ZNF710: variants seen among roughly 807,000 people sequenced by gnomAD.
ZNF710 encodes the protein zinc finger protein 710.
Under a neutral mutation model 50.6 loss-of-function variants are expected in ZNF710, and 13 were observed. That is an observed-to-expected ratio of 0.26 (90% CI 0.17 to 0.41). The LOEUF is 0.41. ZNF710 is among the 10% of genes least tolerant of loss of function. ZNF710 has a pLI of 1.00. For missense variants in ZNF710, 721 were observed against 936.6 expected (o/e 0.77, Z 3.01); for synonymous variants, 383 against 397.0 (o/e 0.96, Z 0.42).
intron 1 of ZNF710, among the ~76,000 whole-genome samples, chr15:90,046,064 G>T (rs960638917): frequency 6.6e-6 from 1 of 152,164 alleles, no homozygotes. Flanking sequence ...GGGGCCCCAG[G>T]AAAAGGCATG....
At chr15:90,046,553 A>G (rs969011130) in intron 1 of ZNF710, among the ~76,000 whole-genome samples, 3 of 152,144 alleles carry the variant, frequency 2.0e-5, no homozygotes, top group Non-Finnish European at 4.4e-5. Flanking sequence ...CTAGTGACCA[A>G]GCCAGACACC....
chr15:90,065,800 G>A lies in ZNF710; in HGVS notation c.-28-1310G>A, dbSNP rs1374872876. 5.3e-5 allele frequency among the ~76,000 whole-genome samples: 8 copies of A among 152,100 alleles called. No homozygotes were observed. In the East Asian group the frequency reaches 1.2e-3, roughly 22 times the overall value. Reference sequence around the variant, plus strand: ...CTCATGTCTATAATCCTAGCATTTCGGGGGGCTGAGGCAGAAGGATCACTT... The same window carrying A: ...CTCATGTCTATAATCCTAGCATTTCAGGGGGCTGAGGCAGAAGGATCACTT... On this transcript the variant is annotated intron_variant, in intron 1 of 4. Coordinates refer to ENST00000268154, the MANE Select transcript of ZNF710 (RefSeq NM_198526.4).
At chr15:90,058,721 A>ATATATATATGTATGTATG (rs1567236953) in intron 1 of ZNF710, among the ~76,000 whole-genome samples, 1 of 144,576 alleles carries the variant, frequency 6.9e-6, no homozygotes, top group African/African-American at 2.9e-5. Flanking sequence ...ATATATATAC[A>ATATATATATGTATGTATG]CACATATACA....
At position 90,034,674 on chromosome 15, in the gene ZNF710, G is replaced by C. The variant is rs1168323135; in HGVS notation, c.-28-32436G>C. 6.6e-6 allele frequency among the ~76,000 whole-genome samples: 1 copy of C among 152,154 alleles called. No individual in the cohort carries two copies. Among genetic ancestry groups the C allele is most frequent in the Non-Finnish European group, 1.5e-5 (1 of 68,014 alleles). ...CTCACCCCTTCTGAGAGGCCCGCCT[G>C]CTCTCCTGCTACCCTAGAGCCCAGG... On this transcript the variant is annotated intron_variant, in intron 1 of 4. Transcript: ENST00000268154. The surrounding 1 kb of genome is among the most constrained non-coding windows in gnomAD (Gnocchi z 4.0).
intron 1 of ZNF710, among the ~76,000 whole-genome samples, chr15:90,051,238 CAA>C (rs61250352): frequency 2.4e-4 from 19 of 79,020 alleles, no homozygotes; most frequent in Non-Finnish European, 1.9e-4. Flanking sequence ...GACTCCGTCT[CAA>C]AAAAAAAAAA....
At position 90,021,009 on chromosome 15, in the gene ZNF710, A is replaced by ACCCC. The variant is rs532595178; in HGVS notation, c.-29+19403_-29+19406dup. 4.7e-3 allele frequency among the ~76,000 whole-genome samples: 425 copies of ACCCC among 91,060 alleles called. 8 individuals carry two copies. The highest frequency in any genetic ancestry group is 0.015 in the African/African-American group (391 of 25,916). 59.7% of individuals were successfully genotyped at this position (91,060 alleles called of 152,430 possible). A position where few individuals can be genotyped will look rare whatever the true frequency, so the allele number is the denominator to read the frequency against. ...GGAGTCCTGTGAGAGAGGGTGTGGC[A>ACCCC]CCCCCCCCCCCTTAGCAGCCTGGGG... On this transcript the variant is annotated intron_variant, in intron 1 of 4. Coordinates refer to ENST00000268154, the MANE Select transcript of ZNF710 (RefSeq NM_198526.4).
At chr15:90,073,807 G>A (rs1485838516) in intron 3 of ZNF710, among the ~76,000 whole-genome samples, 1 of 151,992 alleles carries the variant, frequency 6.6e-6, no homozygotes, top group Non-Finnish European at 1.5e-5. Context: ...TAGCCAATGT[G>A]GTGAAACCCC....
chr15:90,026,257 C>CAAAA (rs1567225025), intron 1 of ZNF710, among the ~76,000 whole-genome samples: 1 of 50,202 alleles, frequency 2.0e-5, no homozygotes, highest in African/African-American at 1.5e-4. Flanking sequence ...AACAAAACAA[C>CAAAA]AACAACAACA....
chr15:90,079,906 C>T lies in ZNF710; in HGVS notation c.*77C>T. On this transcript the variant is annotated 3_prime_UTR_variant, in exon 5 of 5. Coordinates refer to ENST00000268154, the MANE Select transcript of ZNF710 (RefSeq NM_198526.4). Reference sequence around the variant, plus strand: ...GACCCATGGGCTGCAGGCTGCACCTCCTGCAGCCGAGAAACAAGCTACTGC... The same window carrying T: ...GACCCATGGGCTGCAGGCTGCACCTTCTGCAGCCGAGAAACAAGCTACTGC... The T allele has an allele frequency of 7.2e-7, 1 of 1,379,684 alleles. No homozygotes were observed. Among genetic ancestry groups the T allele is most frequent in the East Asian group, 2.6e-5 (1 of 38,980 alleles). The allele number at this position is 1,379,684 out of a possible 1,614,324, so 85.5% of individuals were successfully genotyped here. A position where few individuals can be genotyped will look rare whatever the true frequency, so the allele number is the denominator to read the frequency against.
At chr15:90,002,389 TG>T (rs1842097433) in intron 1 of ZNF710, 1 of 2,348 alleles carries the variant, frequency 4.3e-4, no homozygotes, top group Non-Finnish European at 9.2e-4. Context: ...GGCGTGGGGG[TG>T]GGGGTGGCGG....
chr15:89,998,848 T>A (rs1897963881), upstream of ZNF710, among the ~76,000 whole-genome samples: 1 of 152,218 alleles, frequency 6.6e-6, no homozygotes, highest in African/African-American at 2.4e-5. Context: ...TCCACAGGTC[T>A]TCTTACCTGC....
intron 4 of ZNF710, chr15:90,074,746 T>C (rs1039575392): frequency 3.0e-6 from 1 of 336,124 alleles, no homozygotes; most frequent in Non-Finnish European, 5.6e-6. Flanking sequence ...GGAAAGAAAG[T>C]TAGAAAGGGG....
chr15:90,035,493 C>T (rs769439493), intron 1 of ZNF710, among the ~76,000 whole-genome samples: 3 of 152,234 alleles, frequency 2.0e-5, no homozygotes, highest in Non-Finnish European at 2.9e-5. Context: ...GCCTCAGCAC[C>T]ATCGTGCTTC....
rs2151527794 is a variant in ZNF710, at chr15:90,067,625, C to A, written c.488C>A (p.Ala163Asp). The A allele has an allele frequency of 1.2e-6, 2 of 1,612,134 alleles. No individual in the cohort carries two copies. The highest frequency in any genetic ancestry group is 1.7e-4 in the Middle Eastern group (1 of 6,054). Reference protein sequence around the residue: ...SSAVKMIDLSAFSRKPRTLRH... With the variant: ...SSAVKMIDLSDFSRKPRTLRH... ...GCCGTCAAGATGATCGACCTCAGCG[C>A]CTTCAGCCGCAAGCCCCGGACGCTC... The change falls in exon 2 of 5, where the codon GCC becomes GAC. Residue 163 changes from alanine to aspartate, a missense_variant. Transcript: ENST00000268154. This position sits in a 1 kb window ranked among gnomAD's most constrained non-coding sequence, Gnocchi z 8.1.
Position 90,071,677 on chromosome 15 carries a change from CTCTTTTT to C in ZNF710, c.1459-1392_1459-1386del, listed in dbSNP as rs1457232988. On this transcript the variant is annotated intron_variant, in intron 2 of 4. Transcript: ENST00000268154. ...AATTTCTTTTATTTATTTATTTTTA[CTCTTTTT>C]TTTTTTTTTTTTGAGACGGAGGCTT... Among the ~76,000 whole-genome samples the C allele has an allele frequency of 1.1e-3, 143 of 127,286 alleles. 1 individual carries two copies. Among genetic ancestry groups the C allele is most frequent in the African/African-American group, 3.9e-3 (134 of 34,750 alleles). 83.5% of individuals were successfully genotyped at this position (127,286 alleles called of 152,430 possible). A position where few individuals can be genotyped will look rare whatever the true frequency, so the allele number is the denominator to read the frequency against.
upstream of ZNF710, among the ~76,000 whole-genome samples, chr15:90,000,900 G>C (rs766512701): frequency 6.6e-5 from 10 of 152,018 alleles, no homozygotes; most frequent in Admixed American, 1.3e-4. Flanking sequence ...CCTTTGTACC[G>C]GACAGGGCCG....
intron 1 of ZNF710, among the ~76,000 whole-genome samples, chr15:90,033,047 A>G (rs747201112): frequency 1.3e-5 from 2 of 152,236 alleles, no homozygotes; most frequent in Non-Finnish European, 2.9e-5. Flanking sequence ...GCCCCACAAA[A>G]GTATGGGCCA....
chr15:90,069,577 T>G (rs1596059501), intron 2 of ZNF710, among the ~76,000 whole-genome samples: 1 of 152,046 alleles, frequency 6.6e-6, no homozygotes, highest in Admixed American at 6.6e-5. Context: ...GTACAGAGGG[T>G]GTCCTTTGTT....
At chr15:90,015,294 A>G (rs1007084185) in intron 1 of ZNF710, among the ~76,000 whole-genome samples, 1 of 152,196 alleles carries the variant, frequency 6.6e-6, no homozygotes, top group African/African-American at 2.4e-5. Flanking sequence ...GAGAAACACA[A>G]GTTTTCTGTG....
Sources: gnomAD v4.1 joint callset for allele counts (sites outside exome capture counted in the v4.1 genomes callset) on GRCh38, gnomAD v4.1.1 for gene constraint, Gnocchi (gnomAD v3.1) non-coding constraint, MANE v1.5 for transcripts, NCBI Gene and HGNC (gene_info 2026-07-23, HGNC 2026-07-21) for gene names.